LAMA4: variants seen among roughly 807,000 people sequenced by gnomAD.
The protein encoded by LAMA4 is laminin subunit alpha 4.
Under a neutral mutation model 207.1 loss-of-function variants are expected in LAMA4, and 127 were observed. The observed-to-expected ratio is 0.61, with a 90% CI of 0.53 to 0.71. The LOEUF (loss-of-function observed/expected upper bound fraction) is 0.71, where lower values mean the gene tolerates loss of function less well. Ranked by LOEUF, LAMA4 falls within the 30% of genes least tolerant of loss-of-function variation. The pLI is 0.00. For synonymous variants in LAMA4, 761 were observed against 816.0 expected (o/e 0.93, Z 1.15); for missense variants, 2,093 against 2,246.5 (o/e 0.93, Z 1.38).
At chr6:112,245,852 C>A (rs752154549) in intron 2 of LAMA4, among the ~76,000 whole-genome samples, 41 of 152,152 alleles carry the variant, frequency 2.7e-4, no homozygotes, top group Non-Finnish European at 5.7e-4. Flanking sequence ...TTGCATATTA[C>A]TCAAATTATA....
chr6:112,143,685 A>G (rs988981678), intron 19 of LAMA4, among the ~76,000 whole-genome samples: 1 of 152,094 alleles, frequency 6.6e-6, no homozygotes, highest in Non-Finnish European at 1.5e-5. Flanking sequence ...AAAGCATCCC[A>G]CTTGGGGGCA....
intron 2 of LAMA4, among the ~76,000 whole-genome samples, chr6:112,232,250 G>C (rs564451820): frequency 1.3e-5 from 2 of 152,188 alleles, no homozygotes; most frequent in South Asian, 4.1e-4. Context: ...CTTAATTTGG[G>C]GAGCTTATTT....
rs1335450685 is a variant in LAMA4, at chr6:112,213,825, T to C, written c.297+2543A>G. 9.7e-6 allele frequency: 4 copies of C among 410,318 alleles called. No homozygotes were observed. The East Asian group carries it at 1.1e-4, about 11-fold the overall frequency. The allele number at this position is 410,318 out of a possible 1,614,324, so 25.4% of individuals were successfully genotyped here. A position where few individuals can be genotyped will look rare whatever the true frequency, so the allele number is the denominator to read the frequency against. On this transcript the variant is annotated intron_variant, in intron 3 of 38. Transcript: ENST00000230538. ...ACAAGGCAGATACAGAGGTCTTATA[T>C]GCCTTCAAGATAAAAGCAAAATAAG...
At chr6:112,182,356 A>G (rs1782419014) in intron 9 of LAMA4, among the ~76,000 whole-genome samples, 2 of 152,142 alleles carry the variant, frequency 1.3e-5, no homozygotes, top group South Asian at 4.1e-4. Context: ...ATGCCTATAC[A>G]TCACTTCGTT....
At chr6:112,148,093 G>T in intron 18 of LAMA4, 64 bp downstream of exon 18, 1 of 1,461,796 alleles carries the variant, frequency 6.8e-7, no homozygotes, top group Non-Finnish European at 9.6e-7. Context: ...TTTGACAAAA[G>T]ATGTATAGAG....
intron 2 of LAMA4, among the ~76,000 whole-genome samples, chr6:112,240,948 T>C (rs1386967796): frequency 1.3e-5 from 2 of 151,230 alleles, no homozygotes; most frequent in African/African-American, 4.9e-5. Flanking sequence ...TCAATTTTTA[T>C]TTTTTATTTT....
At chr6:112,207,786 T>C (rs1380274906) in intron 3 of LAMA4, among the ~76,000 whole-genome samples, 2 of 152,178 alleles carry the variant, frequency 1.3e-5, no homozygotes, top group Non-Finnish European at 2.9e-5. Flanking sequence ...GGCTGACCCT[T>C]CTGTCTGGAA....
intron 23 of LAMA4, 57 bp downstream of exon 23, chr6:112,139,695 C>T (rs1269262007): frequency 6.3e-6 from 10 of 1,594,502 alleles, no homozygotes; most frequent in Non-Finnish European, 8.6e-6. Context: ...CATACTTGTT[C>T]TATCTGCTGC....
chr6:112,187,637 A>G lies in LAMA4; in HGVS notation c.815-36T>C, dbSNP rs75357508. 7,896 of 1,606,178 alleles carry G rather than the reference A, an allele frequency of 4.9e-3. 326 individuals are homozygous for G. The African/African-American group carries it at 0.091, about 18-fold the overall frequency. The stretch of plus-strand genomic sequence containing the variant: ...AACATTTCTTCAGAATCACAAGTCA[A>G]AAGCATGCTAAAGGCAGGCCGTTTT... On this transcript the variant is annotated intron_variant, in intron 7 of 38. Coordinates refer to ENST00000230538, the MANE Select transcript of LAMA4 (RefSeq NM_001105206.3).
Position 112,120,332 on chromosome 6 carries a change from T to A in LAMA4, c.4616A>T (p.Lys1539Ile), listed in dbSNP as rs782423587. 9 of 1,613,916 alleles carry A rather than the reference T, an allele frequency of 5.6e-6. No homozygotes were observed. Among genetic ancestry groups the A allele is most frequent in the Non-Finnish European group, 6.8e-6 (8 of 1,180,002 alleles). Residue 1539 changes from lysine (K) to isoleucine (I), a missense_variant, in exon 33 of 39, where the codon AAA becomes ATA. Lys to Ile is a moderately radical substitution (Grantham distance 102). Coordinates refer to ENST00000230538, the MANE Select transcript of LAMA4 (RefSeq NM_001105206.3). Reference protein sequence around the residue: ...LVYMFNVGHKKLKIRSQEKYN... With the variant: ...LVYMFNVGHKILKIRSQEKYN... Reference sequence around the variant, plus strand: ...TTTCTCCTGGCTTCTAATCTTCAGTTTTTTGTGACCAACATTAAACATGTA... The same window carrying A: ...TTTCTCCTGGCTTCTAATCTTCAGTATTTTGTGACCAACATTAAACATGTA...
chr6:112,228,983 G>A (rs979021898), intron 2 of LAMA4, among the ~76,000 whole-genome samples: 3 of 152,176 alleles, frequency 2.0e-5, no homozygotes, highest in East Asian at 1.9e-4. Context: ...GCAGATGTGC[G>A]AAGTGATACC....
chr6:112,187,733 T>C (rs1782779625), intron 7 of LAMA4, 132 bp from the exon 8 acceptor site: 2 of 936,696 alleles, frequency 2.1e-6, no homozygotes, highest in Admixed American at 2.0e-5. Flanking sequence ...GCTGTAATTC[T>C]ATTCTTGTCA....
At chr6:112,238,396 T>G (rs1554366847) in intron 2 of LAMA4, among the ~76,000 whole-genome samples, 1 of 152,192 alleles carries the variant, frequency 6.6e-6, no homozygotes, top group African/African-American at 2.4e-5. Context: ...GACACACTAT[T>G]TTCCATATTT....
chr6:112,239,907 C>CA (rs1308619355), intron 2 of LAMA4, among the ~76,000 whole-genome samples: 3 of 151,888 alleles, frequency 2.0e-5, no homozygotes, highest in African/African-American at 7.3e-5. Flanking sequence ...ACTAAAAACA[C>CA]AAAAAAATTA....
chr6:112,201,692 A>T lies in LAMA4; in HGVS notation c.423-4T>A. 1 of 1,613,014 alleles carries T rather than the reference A, an allele frequency of 6.2e-7. No homozygotes were observed. The highest frequency in any genetic ancestry group is 1.1e-5 in the South Asian group (1 of 91,064). On this transcript the variant is annotated splice_region_variant and splice_polypyrimidine_tract_variant and intron_variant, in intron 4 of 38. Coordinates refer to ENST00000230538, the MANE Select transcript of LAMA4 (RefSeq NM_001105206.3). ...CCTATAGCAGGATTCTGCAAAACTA[A>T]AATTGGAAGCAAATATTGGAAGTCA...
rs1215345153 is a variant in LAMA4 at position 112,132,856 on chromosome 6, A to T, written c.3731T>A (p.Phe1244Tyr). The stretch of plus-strand genomic sequence containing the variant: ...AGATATTTTCTGAATTGAAGCAATG[A>T]AGCTCTGTCCATTGAAATATGCTCT... Reference protein sequence around the residue: ...SRRAYFNGQSFIASIQKISFF... With the variant: ...SRRAYFNGQSYIASIQKISFF... Residue 1244 changes from phenylalanine (F) to tyrosine (Y), a missense_variant, in exon 28 of 39, where the codon TTC (phenylalanine) becomes TAC (tyrosine). Phe to Tyr is a conservative substitution (Grantham distance 22, BLOSUM62 3). This residue lies in a region of LAMA4 where 1,704 missense variants were observed against 1,788.4 expected (regional missense o/e 0.95). Transcript: ENST00000230538. 6.2e-7 allele frequency: 1 copy of T among 1,612,762 alleles called. No homozygotes were observed. The highest frequency in any genetic ancestry group is 8.5e-7 in the Non-Finnish European group (1 of 1,179,044).
At chr6:112,156,257 A>G (rs1198634677) in intron 14 of LAMA4, among the ~76,000 whole-genome samples, 3 of 152,000 alleles carry the variant, frequency 2.0e-5, no homozygotes, top group Non-Finnish European at 2.9e-5. Flanking sequence ...CTTTCACACG[A>G]TAGTCTCTGC....
chr6:112,112,662 A>AAGG (rs3836979), intron 38 of LAMA4, among the ~76,000 whole-genome samples: 45,263 of 151,952 alleles, frequency 0.3, 7,085 homozygotes, highest in African/African-American at 0.41. Flanking sequence ...GCAGGAGACA[A>AAGG]AGGAGAAGAG....
At chr6:112,200,278 A>C (rs1268408660) in intron 5 of LAMA4, 2 of 435,540 alleles carry the variant, frequency 4.6e-6, no homozygotes, top group East Asian at 1.3e-4. Flanking sequence ...AACATATGAA[A>C]AAAAGCTCAT....
Sources: allele counts gnomAD v4.1 joint callset (sites outside exome capture counted in the v4.1 genomes callset), GRCh38; gene constraint gnomAD v4.1.1; regional missense constraint gnomAD v4.1.1; transcripts MANE v1.5; gene names NCBI Gene and HGNC (gene_info 2026-07-23, HGNC 2026-07-21).